The following FIG4 variants were observed in gnomAD, a reference collection of about 807,000 sequenced individuals.
FIG4 encodes FIG4 phosphoinositide 5-phosphatase.
Under a neutral mutation model 118.6 loss-of-function variants are expected in FIG4, and 112 were observed. That is an observed-to-expected ratio of 0.94 (90% CI 0.81 to 1.11). The LOEUF (loss-of-function observed/expected upper bound fraction) is 1.11. FIG4 is among the 50% of genes least tolerant of loss of function. FIG4 has a pLI of 0.00. For missense variants in FIG4, 969 were observed against 1,111.7 expected (o/e 0.87, Z 1.83); for synonymous variants, 369 against 381.2 (o/e 0.97, Z 0.37).
chr6:109,766,684 C>A, intron 14 of FIG4, 45 bp from the exon 15 acceptor site: 2 of 1,560,208 alleles, frequency 1.3e-6, no homozygotes, highest in Non-Finnish European at 1.8e-6. Context: ...ATAACTTGTG[C>A]TTTGATTTTG....
At position 109,792,649 on chromosome 6, in the gene FIG4, T is replaced by A. The variant is rs375414729; in HGVS notation, c.2444T>A (p.Phe815Tyr). The change falls in exon 21 of 23, where the codon TTC becomes TAC. Residue 815 changes from phenylalanine to tyrosine, a missense_variant. This residue lies in a region of FIG4 where 330 missense variants were observed against 348.1 expected (regional missense o/e 0.95). Coordinates refer to ENST00000230124, the MANE Select transcript of FIG4 (RefSeq NM_014845.6). Reference sequence around the variant, plus strand: ...TCAGATGGCCTCTCAGAAGAAGATTTCTCCATTTATTCAAGGTGAGATACT... The same window carrying A: ...TCAGATGGCCTCTCAGAAGAAGATTACTCCATTTATTCAAGGTGAGATACT... ...NLSDGLSEED[F>Y]SIYSRFVQLG... 6.3e-7 allele frequency: 1 copy of A among 1,579,218 alleles called. No individual in the cohort carries two copies. Among genetic ancestry groups the A allele is most frequent in the East Asian group, 2.2e-5 (1 of 44,674 alleles).
At chr6:109,786,793 G>A (rs1371524792) in intron 18 of FIG4, among the ~76,000 whole-genome samples, 4 of 152,108 alleles carry the variant, frequency 2.6e-5, no homozygotes, top group Non-Finnish European at 5.9e-5. Context: ...TACTAGAAAG[G>A]CTAGGATGTG....
At chr6:109,801,430 C>G (rs1170014512) in intron 22 of FIG4, among the ~76,000 whole-genome samples, 2 of 152,102 alleles carry the variant, frequency 1.3e-5, no homozygotes, top group African/African-American at 4.8e-5. Context: ...CGCCTATAAT[C>G]CCAGCTACTC....
intron 1 of FIG4, among the ~76,000 whole-genome samples, chr6:109,714,513 GA>G (rs1775368354): frequency 6.6e-6 from 1 of 152,164 alleles, no homozygotes; most frequent in South Asian, 2.1e-4. Context: ...ACTGTTTTAG[GA>G]AAGAAAGAAT....
chr6:109,691,473 A>G lies in FIG4; in HGVS notation c.38A>G (p.Gln13Arg), dbSNP rs1774392570. Residue 13 changes from glutamine (Q) to arginine (R), a missense_variant, in exon 1 of 23, where the codon CAG (glutamine) becomes CGG (arginine). Physicochemically the swap from Gln to Arg is conservative, Grantham distance 43. This residue lies in a region of FIG4 where 393 missense variants were observed against 409.4 expected (regional missense o/e 0.96). Transcript: ENST00000230124. ...TAAAPIISSV[Q>R]KLVLYETRAR... The stretch of plus-strand genomic sequence containing the variant: ...GCCGCCCCCATCATCAGCTCGGTCC[A>G]GAAGCTGGTTCTGTATGAGACTAGA... The G allele has an allele frequency of 6.3e-6, 10 of 1,586,244 alleles. No individual in the cohort carries two copies. The highest frequency in any genetic ancestry group is 4.6e-5 in the East Asian group (2 of 43,484).
At chr6:109,751,653 G>A (rs530480313) in intron 10 of FIG4, among the ~76,000 whole-genome samples, 2 of 152,160 alleles carry the variant, frequency 1.3e-5, no homozygotes, top group South Asian at 2.1e-4. Context: ...GAGGGTGTAT[G>A]TGTGCAGGAA....
intron 1 of FIG4, among the ~76,000 whole-genome samples, chr6:109,713,630 C>T (rs1404149149): frequency 6.6e-6 from 1 of 152,172 alleles, no homozygotes; most frequent in Non-Finnish European, 1.5e-5. Flanking sequence ...AGGGTACATG[C>T]GCACACGTGC....
At chr6:109,697,873 C>T (rs971261793) in intron 1 of FIG4, among the ~76,000 whole-genome samples, 2 of 146,308 alleles carry the variant, frequency 1.4e-5, no homozygotes, top group South Asian at 2.2e-4. Flanking sequence ...TTTTCTTAAA[C>T]TCTTTCCATT....
intron 3 of FIG4, among the ~76,000 whole-genome samples, chr6:109,719,529 A>G (rs1775541931): frequency 2.0e-5 from 3 of 151,814 alleles, no homozygotes; most frequent in Admixed American, 6.6e-5. Flanking sequence ...GACTACAGGC[A>G]TATGCCGCCA....
At chr6:109,819,395 C>T (rs1778944939) in intron 22 of FIG4, among the ~76,000 whole-genome samples, 1 of 152,116 alleles carries the variant, frequency 6.6e-6, no homozygotes, top group Non-Finnish European at 1.5e-5. Flanking sequence ...TCACATTTTG[C>T]CAGAAAGTAA....
chr6:109,752,114 T>C (rs1235155024), intron 10 of FIG4, among the ~76,000 whole-genome samples: 2 of 151,460 alleles, frequency 1.3e-5, no homozygotes, highest in African/African-American at 4.9e-5. Flanking sequence ...TTGCGATAGT[T>C]TACTGAGAAT....
intron 10 of FIG4, among the ~76,000 whole-genome samples, chr6:109,754,160 A>G (rs1776804873): frequency 6.6e-6 from 1 of 152,046 alleles, no homozygotes; most frequent in African/African-American, 2.4e-5. Flanking sequence ...GCGTTGTTGA[A>G]TTTTCTCAAA....
intron 22 of FIG4, among the ~76,000 whole-genome samples, chr6:109,809,972 G>A (rs1018422692): frequency 2.6e-5 from 4 of 152,088 alleles, no homozygotes; most frequent in Non-Finnish European, 1.5e-5. Context: ...CTTCAGACCA[G>A]TAGGAAGATG....
intron 1 of FIG4, among the ~76,000 whole-genome samples, chr6:109,700,368 A>G (rs917427796): frequency 6.6e-6 from 1 of 152,238 alleles, no homozygotes; most frequent in Non-Finnish European, 1.5e-5. Flanking sequence ...TCTGAAAAAT[A>G]AAACACCCAA....
chr6:109,756,139 C>A (rs1317388459), intron 10 of FIG4, among the ~76,000 whole-genome samples: 3 of 152,142 alleles, frequency 2.0e-5, no homozygotes, highest in Non-Finnish European at 4.4e-5. Flanking sequence ...CTGGTGGTGA[C>A]AAAATCTCTC....
At chr6:109,735,393 C>A in intron 6 of FIG4, 95 bp downstream of exon 6, 1 of 1,226,884 alleles carries the variant, frequency 8.2e-7, no homozygotes, top group Non-Finnish European at 1.2e-6. Context: ...ATTTGTCCAT[C>A]CCTCTTTGCT....
At chr6:109,758,895 A>T (rs1192735792) in intron 10 of FIG4, among the ~76,000 whole-genome samples, 1 of 152,254 alleles carries the variant, frequency 6.6e-6, no homozygotes, top group African/African-American at 2.4e-5. Context: ...AATCAAAACC[A>T]CAATGAGATA....
chr6:109,796,744 C>T lies in FIG4; in HGVS notation c.2460-21C>T, dbSNP rs747609221. The T allele has an allele frequency of 7.6e-6, 11 of 1,456,142 alleles. No homozygotes were observed. In the South Asian group the frequency reaches 1.3e-4, roughly 17 times the overall value. The allele number at this position is 1,456,142 out of a possible 1,614,324, so 90.2% of individuals were successfully genotyped here. The stretch of plus-strand genomic sequence containing the variant: ...CAAGTACTCCCTTCTTTAGCTGACT[C>T]TTATCCATTGTAATTTGTAGATTTG... On this transcript the variant is annotated intron_variant, in intron 21 of 22. Transcript: ENST00000230124.
intron 17 of FIG4, chr6:109,785,610 A>G (rs1024303827): frequency 3.2e-5 from 15 of 462,272 alleles, no homozygotes; most frequent in Non-Finnish European, 5.4e-5. Context: ...AATAAAGCTT[A>G]GTTCTGGCTT....
Sources: allele counts gnomAD v4.1 joint callset (sites outside exome capture counted in the v4.1 genomes callset), GRCh38; gene constraint gnomAD v4.1.1; regional missense constraint gnomAD v4.1.1; transcripts MANE v1.5; gene names NCBI Gene and HGNC (gene_info 2026-07-23, HGNC 2026-07-21).